The following CEP85L variants were observed in gnomAD, a reference collection of about 807,000 sequenced individuals.
CEP85L encodes the protein centrosomal protein 85L.
In CEP85L, 60 loss-of-function variants were observed where a neutral mutation model predicts 100.3. The ratio of observed to expected loss-of-function variants is 0.60; its 90% confidence interval spans 0.49 to 0.74. CEP85L has a LOEUF of 0.74. Among genes scored for constraint, CEP85L ranks in the 30% least tolerant of loss-of-function variants. The probability of loss-of-function intolerance (pLI) is 0.00; values close to 1 mark genes in which losing one functional copy is unlikely to be tolerated. For missense variants in CEP85L, 973 were observed against 936.2 expected (o/e 1.04, Z -0.51); for synonymous variants, 319 against 322.7 (o/e 0.99, Z 0.12).
At chr6:118,558,608 C>G (rs1779017283) in intron 3 of CEP85L, among the ~76,000 whole-genome samples, 1 of 147,472 alleles carries the variant, frequency 6.8e-6, no homozygotes, top group Admixed American at 6.8e-5. Flanking sequence ...GAGACAGACA[C>G]ATAGAAACAC....
intron 4 of CEP85L, among the ~76,000 whole-genome samples, chr6:118,515,730 T>C (rs145760358): frequency 1.9e-4 from 29 of 152,314 alleles, no homozygotes; most frequent in African/African-American, 6.5e-4. Flanking sequence ...ATTTGTAAGA[T>C]ATTGATAAAG....
At chr6:118,635,857 C>T (rs935022518) in intron 1 of CEP85L, among the ~76,000 whole-genome samples, 3 of 152,206 alleles carry the variant, frequency 2.0e-5, no homozygotes, top group Non-Finnish European at 4.4e-5. Flanking sequence ...CTCACTTTCT[C>T]ACTCCAGTAA....
chr6:118,516,463 T>C (rs192519019), intron 4 of CEP85L, among the ~76,000 whole-genome samples: 81 of 152,364 alleles, frequency 5.3e-4, no homozygotes, highest in African/African-American at 1.9e-3. Context: ...TGTGAGATGG[T>C]ATCTCATTGT....
At chr6:118,553,128 T>C (rs1218448488) in intron 3 of CEP85L, among the ~76,000 whole-genome samples, 1 of 150,830 alleles carries the variant, frequency 6.6e-6, no homozygotes, top group Non-Finnish European at 1.5e-5. Flanking sequence ...TCTAAAAAGA[T>C]CAGATAACAT....
intron 2 of CEP85L, among the ~76,000 whole-genome samples, chr6:118,617,742 G>A (rs1343446425): frequency 6.6e-6 from 1 of 152,084 alleles, no homozygotes. Flanking sequence ...CACTCGCCAT[G>A]GTCAGCCGCC....
At chr6:118,559,492 T>C (rs1023110432) in intron 3 of CEP85L, 1 of 222,138 alleles carries the variant, frequency 4.5e-6, no homozygotes, top group African/African-American at 2.4e-5. Context: ...GCTTCTTTAA[T>C]ACTAAGTATT....
intron 3 of CEP85L, among the ~76,000 whole-genome samples, chr6:118,554,203 G>A (rs755255128): frequency 2.4e-4 from 37 of 152,108 alleles, no homozygotes; most frequent in Non-Finnish European, 4.1e-4. Context: ...CAGGGAGATC[G>A]CTAGAGCCTG....
chr6:118,511,283 C>A lies in CEP85L; in HGVS notation c.1257+15G>T. 1 of 1,513,354 alleles carries A rather than the reference C, an allele frequency of 6.6e-7. No individual in the cohort carries two copies. The highest frequency in any genetic ancestry group is 1.1e-5 in the South Asian group (1 of 88,232). The allele number at this position is 1,513,354 out of a possible 1,614,324, so 93.7% of individuals were successfully genotyped here. ...TTTACTACTAAAACAGCTACAAAAT[C>A]CTCTGTAATCTTACCTGCAAACTAG... On this transcript the variant is annotated intron_variant, in intron 5 of 12. Coordinates refer to ENST00000368491, the MANE Select transcript of CEP85L (RefSeq NM_001042475.3).
At position 118,465,146 on chromosome 6, in the gene CEP85L, CAGT is replaced by C. The variant is rs1772424362; in HGVS notation, c.*256_*258del. Reference sequence around the variant, plus strand: ...ACTCTTCACAGCTTGGTCCTACAATCAGTAGTTTGAGAATATAGACATTTTTTT... The same window carrying C: ...ACTCTTCACAGCTTGGTCCTACAATCAGTTTGAGAATATAGACATTTTTTT... On this transcript the variant is annotated 3_prime_UTR_variant, in exon 13 of 13. Coordinates refer to ENST00000368491, the MANE Select transcript of CEP85L (RefSeq NM_001042475.3). The C allele has an allele frequency of 2.6e-6, 1 of 379,222 alleles. No homozygotes were observed. Among genetic ancestry groups the C allele is most frequent in the Non-Finnish European group, 4.8e-6 (1 of 208,866 alleles). 23.5% of individuals were successfully genotyped at this position (379,222 alleles called of 1,614,324 possible).
chr6:118,479,014 A>G (rs1582873030), intron 10 of CEP85L, among the ~76,000 whole-genome samples: 2 of 152,192 alleles, frequency 1.3e-5, no homozygotes, highest in Non-Finnish European at 2.9e-5. Context: ...AACGTGCCCA[A>G]GTGAAATGGA....
At chr6:118,655,026 AG>A (rs988239619), upstream of CEP85L, among the ~76,000 whole-genome samples, 38 of 152,200 alleles carry the variant, frequency 2.5e-4, no homozygotes, top group Admixed American at 6.5e-5. Flanking sequence ...TAATTAGTCC[AG>A]GAATTATGGT....
intron 6 of CEP85L, among the ~76,000 whole-genome samples, chr6:118,485,898 C>T (rs1437812688): frequency 6.6e-6 from 1 of 152,238 alleles, no homozygotes; most frequent in African/African-American, 2.4e-5. Context: ...TTGGACTCAA[C>T]TGTCTAAATG....
chr6:118,490,842 T>C (rs577878126), intron 6 of CEP85L, among the ~76,000 whole-genome samples: 139 of 152,296 alleles, frequency 9.1e-4, no homozygotes, highest in African/African-American at 3.3e-3. Context: ...GTAATTTCAT[T>C]AATATGAAGT....
intron 3 of CEP85L, among the ~76,000 whole-genome samples, chr6:118,538,304 C>T (rs1777716872): frequency 1.3e-5 from 2 of 151,770 alleles, no homozygotes; most frequent in Admixed American, 6.6e-5. Flanking sequence ...AGCTTTTTGA[C>T]ATCCTAATAT....
At chr6:118,567,044 T>C (rs1257423105) in intron 2 of CEP85L, among the ~76,000 whole-genome samples, 1 of 151,970 alleles carries the variant, frequency 6.6e-6, no homozygotes, top group African/African-American at 2.4e-5. Context: ...TGTGAAAATC[T>C]ATGCCAGATC....
At chr6:118,506,836 G>A (rs1775687571) in intron 5 of CEP85L, among the ~76,000 whole-genome samples, 1 of 152,068 alleles carries the variant, frequency 6.6e-6, no homozygotes, top group Admixed American at 6.5e-5. Context: ...TGCCTTCTCT[G>A]ACTTTTATAC....
chr6:118,600,297 GGGGGTGTGTGTGTGTGTGTGTGT>G lies in CEP85L; in HGVS notation c.232+32133_232+32155del, dbSNP rs1781671527. 4.2e-4 allele frequency among the ~76,000 whole-genome samples: 26 copies of G among 61,296 alleles called. 2 individuals are homozygous for G. The highest frequency in any genetic ancestry group is 1.7e-3 in the African/African-American group (26 of 15,270). 40.2% of individuals were successfully genotyped at this position (61,296 alleles called of 152,430 possible). ...GTACTGCCTGTCCCTGAGCCTTCCT[GGGGGTGTGTGTGTGTGTGTGTGT>G]GTGTGTGTGTGTGTGTGTGTGTGTG... On this transcript the variant is annotated intron_variant, in intron 2 of 12. Coordinates refer to ENST00000368491, the MANE Select transcript of CEP85L (RefSeq NM_001042475.3).
intron 10 of CEP85L, among the ~76,000 whole-genome samples, chr6:118,479,562 T>C (rs1462797598): frequency 6.6e-6 from 1 of 152,122 alleles, no homozygotes; most frequent in Non-Finnish European, 1.5e-5. Context: ...TAAAATAACA[T>C]GTTTAACAGC....
chr6:118,602,050 C>G (rs1039732558), intron 2 of CEP85L, among the ~76,000 whole-genome samples: 1 of 152,062 alleles, frequency 6.6e-6, no homozygotes, highest in Non-Finnish European at 1.5e-5. Flanking sequence ...TCTAACATTT[C>G]CCCCCTCCCT....
Sources: gnomAD v4.1 joint callset for allele counts (sites outside exome capture counted in the v4.1 genomes callset) on GRCh38, gnomAD v4.1.1 for gene constraint, MANE v1.5 for transcripts, NCBI Gene and HGNC (gene_info 2026-07-23, HGNC 2026-07-21) for gene names.